Variants in ST18 observed in about 807,000 individuals in gnomAD.
ST18 encodes ST18 C2H2C-type zinc finger transcription factor, also known as suppression of tumorigenicity 18 protein.
ST18 carries 50 observed loss-of-function variants against 110.0 expected under a neutral mutation model. The observed-to-expected ratio is 0.45, with a 90% CI of 0.36 to 0.58. The LOEUF (loss-of-function observed/expected upper bound fraction) is 0.58, where lower values mean the gene tolerates loss of function less well. ST18 is among the 20% of genes least tolerant of loss of function. The pLI is 0.00. For missense variants in ST18, 1,306 were observed against 1,280.1 expected (o/e 1.02, Z -0.31); for synonymous variants, 461 against 452.4 (o/e 1.02, Z -0.24).
intron 8 of ST18, among the ~76,000 whole-genome samples, chr8:52,206,061 G>A (rs2079928170): frequency 6.6e-6 from 1 of 152,204 alleles, no homozygotes. Context: ...GGCTGCAGGA[G>A]GTGCGGGGTC....
intron 5 of ST18, among the ~76,000 whole-genome samples, chr8:52,220,258 G>A (rs1386305043): frequency 6.6e-6 from 1 of 152,092 alleles, no homozygotes. Context: ...TTCATATAGG[G>A]ATAGATCATT....
chr8:52,348,180 A>G (rs1311794586), intron 2 of ST18, among the ~76,000 whole-genome samples: 2 of 152,186 alleles, frequency 1.3e-5, no homozygotes, highest in Admixed American at 6.5e-5. Context: ...GTGGCTCACA[A>G]AACCTAAAAT....
intron 2 of ST18, among the ~76,000 whole-genome samples, chr8:52,352,771 G>T (rs1013887910): frequency 2.0e-5 from 3 of 152,168 alleles, no homozygotes; most frequent in African/African-American, 7.2e-5. Context: ...GAAAAATCAC[G>T]GGACTGCGCA....
At chr8:52,263,295 G>T (rs553669534) in intron 2 of ST18, among the ~76,000 whole-genome samples, 1 of 152,144 alleles carries the variant, frequency 6.6e-6, no homozygotes, top group African/African-American at 2.4e-5. Flanking sequence ...GATACTTCAC[G>T]CTTTGCAGAG....
intron 2 of ST18, among the ~76,000 whole-genome samples, chr8:52,377,693 A>C (rs927301099): frequency 1.3e-5 from 2 of 152,202 alleles, no homozygotes; most frequent in African/African-American, 4.8e-5. Flanking sequence ...AACAGTGTGG[A>C]GGTTCTTCAA....
intron 11 of ST18, 139 bp downstream of exon 11, chr8:52,166,713 C>T: frequency 8.5e-7 from 1 of 1,181,998 alleles, no homozygotes. Flanking sequence ...TTTTAAAACC[C>T]ACAGCTAGAT....
At chr8:52,217,405 A>T (rs189047052) in intron 6 of ST18, among the ~76,000 whole-genome samples, 2 of 152,156 alleles carry the variant, frequency 1.3e-5, no homozygotes, top group Non-Finnish European at 2.9e-5. Context: ...AGTTTAAATG[A>T]TAAGTATCAA....
At chr8:52,166,084 C>T (rs971500995) in intron 11 of ST18, among the ~76,000 whole-genome samples, 1 of 152,166 alleles carries the variant, frequency 6.6e-6, no homozygotes, top group Non-Finnish European at 1.5e-5. Context: ...CCAGGAGGAC[C>T]ATGGTGACTG....
intron 15 of ST18, among the ~76,000 whole-genome samples, chr8:52,156,872 G>C (rs1357060824): frequency 6.6e-6 from 1 of 152,176 alleles, no homozygotes; most frequent in Non-Finnish European, 1.5e-5. Flanking sequence ...TGGGAAAATG[G>C]TTTTTAGAAC....
chr8:52,116,978 G>A (rs1318305731), intron 24 of ST18, among the ~76,000 whole-genome samples: 2 of 152,140 alleles, frequency 1.3e-5, no homozygotes, highest in African/African-American at 4.8e-5. Context: ...CCACCAAGAT[G>A]AGCCTGTTAA....
rs78020588 is a variant in ST18, at chr8:52,349,667, T to G, written c.-465+59661A>C. On this transcript the variant is annotated intron_variant, in intron 2 of 25. Coordinates refer to ENST00000689386, the MANE Select transcript of ST18 (RefSeq NM_001352837.2). The stretch of plus-strand genomic sequence containing the variant: ...TTATAGGGTACAAAGCAAAACAAAT[T>G]TCTGATTTCTAGCACAAATGTGTAG... Among the ~76,000 whole-genome samples, 166 of 152,328 alleles carry G rather than the reference T, an allele frequency of 1.1e-3. 2 individuals are homozygous for G. Among genetic ancestry groups the G allele is most frequent in the South Asian group, 2.1e-3 (10 of 4,820 alleles).
intron 8 of ST18, among the ~76,000 whole-genome samples, chr8:52,180,928 C>T (rs1477361267): frequency 6.6e-6 from 1 of 152,188 alleles, no homozygotes; most frequent in Non-Finnish European, 1.5e-5. Context: ...ACTTGGCACA[C>T]AGAACAAATA....
chr8:52,192,912 T>A (rs1680260596), intron 8 of ST18, among the ~76,000 whole-genome samples: 1 of 152,154 alleles, frequency 6.6e-6, no homozygotes, highest in African/African-American at 2.4e-5. Flanking sequence ...GGAAAATAGA[T>A]ACCGTCCTGG....
At chr8:52,229,158 A>G (rs1190789498) in intron 3 of ST18, among the ~76,000 whole-genome samples, 1 of 152,184 alleles carries the variant, frequency 6.6e-6, no homozygotes, top group Non-Finnish European at 1.5e-5. Flanking sequence ...TAGGATTCAG[A>G]CTGCCAGCTG....
Position 52,165,213 on chromosome 8 carries a change from T to G in ST18, c.1217A>C (p.His406Pro). 1 of 1,614,238 alleles carries G rather than the reference T, an allele frequency of 6.2e-7. No homozygotes were observed. Among genetic ancestry groups the G allele is most frequent in the Non-Finnish European group, 8.5e-7 (1 of 1,180,042 alleles). Residue 406 changes from histidine (H) to proline (P), a missense_variant, in exon 12 of 26, where the codon CAT becomes CCT. Coordinates refer to ENST00000689386, the MANE Select transcript of ST18 (RefSeq NM_001352837.2). ...VRVPLEILAM[H>P]ENVLKCPTPG... ...CGTGGGACACTTGAGCACATTTTCA[T>G]GCATGGCAAGAACTAAGCACAAAAC...
intron 17 of ST18, among the ~76,000 whole-genome samples, chr8:52,142,050 G>C (rs959199790): frequency 5.9e-5 from 9 of 152,166 alleles, no homozygotes; most frequent in Non-Finnish European, 1.0e-4. Context: ...GTGGAGGAGG[G>C]AGATCAGCTC....
At chr8:52,314,408 G>A (rs1393420674) in intron 2 of ST18, among the ~76,000 whole-genome samples, 1 of 152,190 alleles carries the variant, frequency 6.6e-6, no homozygotes, top group African/African-American at 2.4e-5. Flanking sequence ...TATAGGGCAT[G>A]TAACAGCTGA....
At chr8:52,284,644 G>GAACA (rs10684321) in intron 2 of ST18, among the ~76,000 whole-genome samples, 1,828 of 152,250 alleles carry the variant, frequency 0.012, 27 homozygotes, top group African/African-American at 0.043. Flanking sequence ...GTTTTGGTTA[G>GAACA]AACAGCAGGT....
At chr8:52,130,998 T>C (rs7828658) in intron 22 of ST18, among the ~76,000 whole-genome samples, 34,287 of 152,186 alleles carry the variant, frequency 0.23, 4,813 homozygotes, top group African/African-American at 0.4. Flanking sequence ...AAGTCTACAT[T>C]TGAAAACCAT....
Sources: allele counts gnomAD v4.1 joint callset (sites outside exome capture counted in the v4.1 genomes callset), GRCh38; gene constraint gnomAD v4.1.1; transcripts MANE v1.5; gene names NCBI Gene and HGNC (gene_info 2026-07-23, HGNC 2026-07-21).